ABHD2: variants seen among roughly 807,000 people sequenced by gnomAD.
ABHD2 encodes the protein monoacylglycerol lipase ABHD2.
In ABHD2, 20 loss-of-function variants were observed where a neutral mutation model predicts 48.1. The observed-to-expected ratio is 0.42, with a 90% CI of 0.29 to 0.60. ABHD2 has a LOEUF of 0.60. Among genes scored for constraint, ABHD2 ranks in the 20% least tolerant of loss-of-function variants. The pLI, the probability that ABHD2 is intolerant of heterozygous loss-of-function variation, is 0.24. For missense variants in ABHD2, 405 were observed against 550.9 expected, an observed-to-expected ratio of 0.74 and a Z score of 2.65; for synonymous variants, 209 against 214.2, an observed-to-expected ratio of 0.98 and a Z score of 0.21.
intron 9 of ABHD2, among the ~76,000 whole-genome samples, chr15:89,192,886 T>C (rs1266683126): frequency 1.3e-5 from 2 of 152,218 alleles, no homozygotes; most frequent in Non-Finnish European, 2.9e-5. Flanking sequence ...TTGTCTGGTA[T>C]GGAGTGCACT....
the ABHD2 span, among the ~76,000 whole-genome samples, chr15:89,062,678 G>A: frequency 2.0e-5 from 3 of 152,006 alleles, no homozygotes; most frequent in African/African-American, 4.8e-5. Flanking sequence ...GTGAGCCACC[G>A]CACCCAGTTG....
chr15:89,172,731 A>C (rs62020268), intron 5 of ABHD2, among the ~76,000 whole-genome samples: 2 of 152,086 alleles, frequency 1.3e-5, no homozygotes, highest in Admixed American at 6.5e-5. Flanking sequence ...CGAAGTCTTT[A>C]CTCTTGTTAC....
chr15:89,102,232 C>T lies in ABHD2; in HGVS notation c.-106-11493C>T, dbSNP rs942022683. Among the ~76,000 whole-genome samples the T allele has an allele frequency of 8.5e-5, 13 of 152,188 alleles. No individual in the cohort carries two copies. Among genetic ancestry groups the T allele is most frequent in the Admixed American group, 6.5e-5 (1 of 15,276 alleles). ...TTCCATCTCTTCCAGTGGTTCCCAG[C>T]TTTGAGTCCACCTCCTTCTTCTTTC... On this transcript the variant is annotated intron_variant, in intron 1 of 10. Coordinates refer to ENST00000352732, the MANE Select transcript of ABHD2 (RefSeq NM_152924.5). This position sits in a 1 kb window ranked among gnomAD's most constrained non-coding sequence, Gnocchi z 4.8.
chr15:89,121,453 T>C (rs1041879483), intron 3 of ABHD2, among the ~76,000 whole-genome samples: 9 of 150,574 alleles, frequency 6.0e-5, no homozygotes, highest in Admixed American at 2.0e-4. Flanking sequence ...ACTGTCTCCC[T>C]TTGGCTTTTT....
chr15:89,160,502 T>C (rs2050745878), intron 5 of ABHD2, among the ~76,000 whole-genome samples: 1 of 152,164 alleles, frequency 6.6e-6, no homozygotes. Context: ...GTTTTTTTTT[T>C]TTCTTTTTTC....
At chr15:89,046,339 G>A in the ABHD2 span, among the ~76,000 whole-genome samples, 1 of 152,204 alleles carries the variant, frequency 6.6e-6, no homozygotes, top group Admixed American at 6.5e-5. Flanking sequence ...GTTCATCAAG[G>A]ATATTGGTCT....
chr15:89,051,389 G>A, the ABHD2 span, among the ~76,000 whole-genome samples: 9 of 152,168 alleles, frequency 5.9e-5, no homozygotes, highest in African/African-American at 2.2e-4. Flanking sequence ...TTGTAAGAGG[G>A]TGAAGACTCT....
At chr15:89,076,693 A>G in the ABHD2 span, among the ~76,000 whole-genome samples, 1 of 152,258 alleles carries the variant, frequency 6.6e-6, no homozygotes, top group South Asian at 2.1e-4. Flanking sequence ...CATGTTGCCC[A>G]GGCCAGTCTC....
chr15:89,193,313 C>G lies in ABHD2; in HGVS notation c.1075C>G (p.Leu359Val). The change falls in exon 10 of 11, where the codon CTT (leucine) becomes GTT (valine). Residue 359 changes from leucine to valine, a missense_variant. Transcript: ENST00000352732. ...AAGTCTTCTAACCATTCCAAAATCT[C>G]TTTCAGGTAAGTGTTTCTTCCTGCT... is the stretch of plus-strand genomic sequence containing the variant. ...HESLLTIPKS[L>V]SEKRENVMFV... 1 of 1,614,072 alleles carries G rather than the reference C, an allele frequency of 6.2e-7. No homozygotes were observed. Among genetic ancestry groups the G allele is most frequent in the Non-Finnish European group, 8.5e-7 (1 of 1,179,902 alleles).
rs752792528 is a variant in ABHD2 at position 89,185,414 on chromosome 15, G to A, written c.723-10G>A. 4.3e-6 allele frequency: 7 copies of A among 1,613,720 alleles called. No homozygotes were observed. The East Asian group carries it at 1.6e-4, about 36-fold the overall frequency. On this transcript the variant is annotated splice_polypyrimidine_tract_variant and intron_variant, in intron 6 of 10. Transcript: ENST00000352732. The surrounding 1 kb of genome is among the most constrained non-coding windows in gnomAD (Gnocchi z 5.9). ...ACCGCAGTCACCCTCACTCGCTGTG[G>A]TTCTTCCAGGGCCCAGGAAACCTTC...
chr15:89,051,913 G>A, the ABHD2 span, among the ~76,000 whole-genome samples: 27 of 152,152 alleles, frequency 1.8e-4, no homozygotes, highest in Non-Finnish European at 3.2e-4. Flanking sequence ...GAGGTGGGAG[G>A]TGAGGAGGTG....
the ABHD2 span, among the ~76,000 whole-genome samples, chr15:89,059,306 T>C: frequency 6.6e-6 from 1 of 152,178 alleles, no homozygotes; most frequent in Non-Finnish European, 1.5e-5. Flanking sequence ...ATGTTCGCTG[T>C]GGCTAGACAA....
rs2050207483 is a variant in ABHD2, at chr15:89,130,833, A to T, written c.194+14312A>T. ...GTGTGGCCCAAGACAATTCTTCCAA[A>T]GTGGCCCAGGGAAGCCAAAACATTA... On this transcript the variant is annotated intron_variant, in intron 3 of 10. Coordinates refer to ENST00000352732, the MANE Select transcript of ABHD2 (RefSeq NM_152924.5). 2.0e-5 allele frequency among the ~76,000 whole-genome samples: 3 copies of T among 152,174 alleles called. No homozygotes were observed. In the South Asian group the frequency reaches 6.2e-4, roughly 32 times the overall value.
At chr15:89,159,185 T>C (rs2050723598) in intron 5 of ABHD2, among the ~76,000 whole-genome samples, 1 of 151,942 alleles carries the variant, frequency 6.6e-6, no homozygotes, top group South Asian at 2.1e-4. Context: ...GAGAGCAGCC[T>C]GGCCAACATG....
Position 89,185,094 on chromosome 15 carries a change from A to G in ABHD2, c.723-330A>G, listed in dbSNP as rs535465438. Among the ~76,000 whole-genome samples, 5 of 152,326 alleles carry G rather than the reference A, an allele frequency of 3.3e-5. No homozygotes were observed. The highest frequency in any genetic ancestry group is 9.6e-5 in the African/African-American group (4 of 41,586). On this transcript the variant is annotated intron_variant, in intron 6 of 10. Coordinates refer to ENST00000352732, the MANE Select transcript of ABHD2 (RefSeq NM_152924.5). The surrounding 1 kb of genome is among the most constrained non-coding windows in gnomAD (Gnocchi z 5.9). ...AAATACAGAAAGTGTTCACATGACA[A>G]TTGAAGCAGACTTTGGTCCTGGCAG...
chr15:89,080,884 C>G, the ABHD2 span, among the ~76,000 whole-genome samples: 1 of 151,896 alleles, frequency 6.6e-6, no homozygotes, highest in Non-Finnish European at 1.5e-5. Flanking sequence ...CTAGGCACCT[C>G]ATGTAAGTGG....
chr15:89,125,209 T>C (rs1170585411), intron 3 of ABHD2, among the ~76,000 whole-genome samples: 2 of 151,960 alleles, frequency 1.3e-5, no homozygotes, highest in Non-Finnish European at 2.9e-5. Context: ...TGAGCCGACA[T>C]TGCGCCACTG....
chr15:89,147,605 G>A (rs987772821), intron 3 of ABHD2, among the ~76,000 whole-genome samples: 23 of 150,836 alleles, frequency 1.5e-4, no homozygotes, highest in Admixed American at 5.3e-4. Context: ...CGCCTGCCTC[G>A]GCCTCCCAAA....
At chr15:89,062,081 T>C in the ABHD2 span, among the ~76,000 whole-genome samples, 1 of 152,010 alleles carries the variant, frequency 6.6e-6, no homozygotes, top group Non-Finnish European at 1.5e-5. Context: ...AGCTCACGGC[T>C]ACCACCAAAG....
Sources: gnomAD v4.1 joint callset for allele counts (sites outside exome capture counted in the v4.1 genomes callset) on GRCh38, gnomAD v4.1.1 for gene constraint, Gnocchi (gnomAD v3.1) non-coding constraint, MANE v1.5 for transcripts, NCBI Gene and HGNC (gene_info 2026-07-23, HGNC 2026-07-21) for gene names.